The following ANO10 variants were observed in gnomAD, a reference collection of about 807,000 sequenced individuals.
ANO10 encodes anoctamin 10, also known as anoctamin-10.
ANO10 carries 77 observed loss-of-function variants against 74.7 expected under a neutral mutation model. The ratio of observed to expected loss-of-function variants is 1.03; its 90% CI spans 0.86 to 1.25. ANO10 has a LOEUF of 1.25. Among genes scored for constraint, ANO10 ranks in the 50% most tolerant of loss-of-function variants. The probability of loss-of-function intolerance (pLI) is 0.00; values close to 1 mark genes in which losing one functional copy is unlikely to be tolerated. For missense variants in ANO10, 721 were observed against 778.1 expected, an observed-to-expected ratio of 0.93 and a Z score of 0.87; for synonymous variants, 279 against 284.9, an observed-to-expected ratio of 0.98 and a Z score of 0.21.
chr3:43,520,531 T>C (rs1267224670), intron 11 of ANO10, among the ~76,000 whole-genome samples: 1 of 152,174 alleles, frequency 6.6e-6, no homozygotes, highest in African/African-American at 2.4e-5. Context: ...CTTCCCCCAA[T>C]GAATTGTCGT....
At position 43,576,737 on chromosome 3, in the gene ANO10, T is replaced by C; in HGVS notation, c.1117A>G (p.Met373Val). 2 of 1,614,178 alleles carry C rather than the reference T, an allele frequency of 1.2e-6. No homozygotes were observed. Among genetic ancestry groups the C allele is most frequent in the Non-Finnish European group, 1.7e-6 (2 of 1,180,036 alleles). The part of the protein sequence containing the change: ...SIIYAIVIEI[M>V]NRLYRYAAEF... ...GCAGCATATCGATAGAGACGATTCA[T>C]GATCTCAATCACAATGGCATAGATG... The change falls in exon 6 of 13, where the codon ATG becomes GTG. Residue 373 changes from methionine to valine, a missense_variant. Physicochemically the swap from Met to Val is conservative, Grantham distance 21. Transcript: ENST00000292246.
chr3:43,582,095 A>G (rs1039897854), intron 4 of ANO10, among the ~76,000 whole-genome samples: 1 of 152,132 alleles, frequency 6.6e-6, no homozygotes, highest in Non-Finnish European at 1.5e-5. Context: ...GATGATAAAA[A>G]TATCAGGCAT....
At chr3:43,689,451 C>T (rs1409842800) in intron 1 of ANO10, 1 of 152,106 alleles carries the variant, frequency 6.6e-6, no homozygotes, top group Non-Finnish European at 1.5e-5. Context: ...GAATATACGG[C>T]CCTTTCATGA....
intron 12 of ANO10, among the ~76,000 whole-genome samples, chr3:43,405,900 T>G (rs1260125520): frequency 6.6e-6 from 1 of 152,188 alleles, no homozygotes; most frequent in Non-Finnish European, 1.5e-5. Flanking sequence ...ATTACCTACT[T>G]CTTTGAACCT....
In ANO10 at chr3:43,576,797, C is replaced by A; in HGVS notation, c.1057G>T (p.Glu353Ter). ...ACATACAACAGGACACTGGTCCACTCAGACCCGCTGTTCTCATGTAGACCC... is the reference window on the plus strand; with the variant it reads ...ACATACAACAGGACACTGGTCCACTAAGACCCGCTGTTCTCATGTAGACCC... ...ALGLHENSGS[E>*]WTSVLLYVPS... The change falls in exon 6 of 13, where the codon GAG becomes TAG. Residue 353 changes from glutamate to a stop codon, truncating the protein, a stop_gained. Transcript: ENST00000292246. LOFTEE classifies it high-confidence loss of function. 6.2e-7 allele frequency: 1 copy of A among 1,614,190 alleles called. No homozygotes were observed. Among genetic ancestry groups the A allele is most frequent in the Non-Finnish European group, 8.5e-7 (1 of 1,180,026 alleles).
intron 12 of ANO10, among the ~76,000 whole-genome samples, chr3:43,373,208 G>A (rs1367740894): frequency 6.6e-6 from 1 of 151,954 alleles, no homozygotes; most frequent in Admixed American, 6.6e-5. Flanking sequence ...CTCAAGCTGG[G>A]TGAGGGTCAG....
At chr3:43,387,540 G>T (rs762033090) in intron 12 of ANO10, among the ~76,000 whole-genome samples, 2 of 152,196 alleles carry the variant, frequency 1.3e-5, no homozygotes, top group African/African-American at 4.8e-5. Flanking sequence ...GGCTAAGTGA[G>T]GAGTAGACAT....
rs74615628 is a variant in ANO10 at position 43,501,050 on chromosome 3, A to G, written c.1797+48670T>C. Among the ~76,000 whole-genome samples the G allele has an allele frequency of 2.5e-3, 384 of 152,314 alleles. 1 individual carries two copies. Among genetic ancestry groups the G allele is most frequent in the African/African-American group, 8.5e-3 (354 of 41,576 alleles). ...AGAAGATGCCATCGTCCATTAGTAT[A>G]GCTATGAAGAAATACCTGAGGCTGG... On this transcript the variant is annotated intron_variant, in intron 11 of 12. Transcript: ENST00000292246.
chr3:43,508,710 C>T (rs912877500), intron 11 of ANO10, among the ~76,000 whole-genome samples: 8 of 151,388 alleles, frequency 5.3e-5, no homozygotes, highest in African/African-American at 1.5e-4. Context: ...AACCAAACAC[C>T]GCATGTTCTC....
At position 43,614,801 on chromosome 3, in the gene ANO10, A is replaced by ATATATATATATATATATATATATATATG. The variant is rs61457264; in HGVS notation, c.-12+7107_-12+7108insCATATATATATATATATATATATATATA. ...TATATATATATATATATATATATAT[A>ATATATATATATATATATATATATATATG]TAGGTTCATTACAGTTTTTTATGGA... On this transcript the variant is annotated intron_variant, in intron 1 of 12. Transcript: ENST00000292246. 5.2e-4 allele frequency among the ~76,000 whole-genome samples: 52 copies of ATATATATATATATATATATATATATATG among 99,388 alleles called. 11 individuals are homozygous for ATATATATATATATATATATATATATATG. The highest frequency in any genetic ancestry group is 2.0e-3 in the South Asian group (5 of 2,474). 65.2% of individuals were successfully genotyped at this position (99,388 alleles called of 152,430 possible). A position where few individuals can be genotyped will look rare whatever the true frequency, so the allele number is the denominator to read the frequency against.
intron 1 of ANO10, among the ~76,000 whole-genome samples, chr3:43,659,624 C>G (rs2083898710): frequency 1.3e-5 from 2 of 152,216 alleles, no homozygotes; most frequent in East Asian, 1.9e-4. Flanking sequence ...TACTGCCTCT[C>G]TAGATTCCAC....
chr3:43,563,421 T>G (rs1356924369), intron 8 of ANO10, among the ~76,000 whole-genome samples: 2 of 147,220 alleles, frequency 1.4e-5, no homozygotes, highest in Non-Finnish European at 3.0e-5. Flanking sequence ...GCGAGAGGTT[T>G]TTTTTTTTTT....
intron 1 of ANO10, among the ~76,000 whole-genome samples, chr3:43,648,673 C>CTT (rs57098436): frequency 0.047 from 5,254 of 111,238 alleles, 306 homozygotes; most frequent in African/African-American, 0.1. Flanking sequence ...TTTTAGCCCG[C>CTT]TTTTTTTTTT....
chr3:43,463,254 C>A (rs1363575517), intron 11 of ANO10, among the ~76,000 whole-genome samples: 1 of 152,164 alleles, frequency 6.6e-6, no homozygotes, highest in Non-Finnish European at 1.5e-5. Flanking sequence ...CTGAAAGCAG[C>A]CAGGAGGGAG....
intron 4 of ANO10, among the ~76,000 whole-genome samples, chr3:43,581,403 G>A (rs1359522404): frequency 1.3e-5 from 2 of 152,132 alleles, no homozygotes; most frequent in African/African-American, 2.4e-5. Context: ...ACCAAAGACC[G>A]TATCTCCCAG....
chr3:43,398,559 T>G (rs1382981915), intron 12 of ANO10, among the ~76,000 whole-genome samples: 1 of 152,224 alleles, frequency 6.6e-6, no homozygotes, highest in Non-Finnish European at 1.5e-5. Flanking sequence ...TTTAGATACT[T>G]ATTTTATTCA....
intron 11 of ANO10, among the ~76,000 whole-genome samples, chr3:43,547,308 C>A (rs2079239934): frequency 6.6e-6 from 1 of 152,134 alleles, no homozygotes; most frequent in Admixed American, 6.5e-5. Flanking sequence ...GTTATTACAA[C>A]AGAAAGGAAA....
At chr3:43,375,129 A>C (rs2091754462) in intron 12 of ANO10, among the ~76,000 whole-genome samples, 1 of 149,200 alleles carries the variant, frequency 6.7e-6, no homozygotes. Context: ...TCAAAAAAAA[A>C]ACAAACAACA....
At chr3:43,489,064 A>G (rs944721618) in intron 11 of ANO10, among the ~76,000 whole-genome samples, 5 of 151,416 alleles carry the variant, frequency 3.3e-5, no homozygotes, top group African/African-American at 9.7e-5. Context: ...GTAAACTATC[A>G]CAAGAACAAA....
Sources: allele counts gnomAD v4.1 joint callset (sites outside exome capture counted in the v4.1 genomes callset), GRCh38; gene constraint gnomAD v4.1.1; transcripts MANE v1.5; gene names NCBI Gene and HGNC (gene_info 2026-07-23, HGNC 2026-07-21).